The following GRM5 variants were observed in gnomAD, a reference collection of about 807,000 sequenced individuals.
GRM5 encodes metabotropic glutamate receptor 5.
Under a neutral mutation model 83.1 loss-of-function variants are expected in GRM5, and 19 were observed. The ratio of observed to expected loss-of-function variants is 0.23; its 90% CI spans 0.16 to 0.34. GRM5 has a LOEUF of 0.34. Ranked by LOEUF, GRM5 falls within the 10% of genes least tolerant of loss-of-function variation. The pLI, the probability that GRM5 is intolerant of heterozygous loss-of-function variation, is 1.00. For missense variants in GRM5, 1,160 were observed against 1,588.3 expected, an observed-to-expected ratio of 0.73 and a Z score of 4.58; for synonymous variants, 675 against 633.6, an observed-to-expected ratio of 1.07 and a Z score of -0.98.
intron 2 of GRM5, among the ~76,000 whole-genome samples, chr11:88,936,496 TA>T (rs112070445): frequency 0.032 from 4,869 of 151,998 alleles, 263 homozygotes; most frequent in African/African-American, 0.11. Context: ...CTAGTATGTT[TA>T]CTACTATGTC....
chr11:88,976,493 A>G (rs1010383658), intron 2 of GRM5, among the ~76,000 whole-genome samples: 5 of 151,914 alleles, frequency 3.3e-5, no homozygotes, highest in African/African-American at 4.8e-5. Flanking sequence ...TATCTAATAC[A>G]TGGGGTTGTT....
intron 3 of GRM5, among the ~76,000 whole-genome samples, chr11:88,800,952 A>C (rs1354897011): frequency 6.6e-6 from 1 of 152,170 alleles, no homozygotes; most frequent in Non-Finnish European, 1.5e-5. Context: ...AGGGCATACC[A>C]TTCAAACACA....
At chr11:88,850,276 G>T (rs546140441) in intron 2 of GRM5, 121 bp from the exon 3 acceptor site, 8 of 801,826 alleles carry the variant, frequency 1.0e-5, no homozygotes, top group Non-Finnish European at 1.6e-5. Flanking sequence ...GCAACCTGAA[G>T]ACCTGAATTT....
intron 4 of GRM5, among the ~76,000 whole-genome samples, chr11:88,650,271 C>T (rs549996178): frequency 6.6e-6 from 1 of 151,770 alleles, no homozygotes; most frequent in Admixed American, 6.6e-5. Flanking sequence ...AATAAAAAAG[C>T]CAAACTTCTG....
intron 1 of GRM5, among the ~76,000 whole-genome samples, chr11:89,051,105 CTTAAAA>C (rs1001566217): frequency 4.6e-5 from 7 of 151,670 alleles, no homozygotes; most frequent in African/African-American, 1.2e-4. Context: ...ATTTTAAATA[CTTAAAA>C]TTAAAGTTAA....
rs141791605 is a variant in GRM5 at position 88,597,142 on chromosome 11, G to A, written c.1563+42C>T. ...ATAGCCAATGATAGTTAACACTGTTGAATTTACAACAAAAATGAAAGAAAC... is the reference window on the plus strand; with the variant it reads ...ATAGCCAATGATAGTTAACACTGTTAAATTTACAACAAAAATGAAAGAAAC... On this transcript the variant is annotated intron_variant, in intron 6 of 9. Transcript: ENST00000305447. 525 of 1,351,398 alleles carry A rather than the reference G, an allele frequency of 3.9e-4. 2 individuals carry two copies. The East Asian group carries it at 0.011, about 29-fold the overall frequency. The allele number at this position is 1,351,398 out of a possible 1,614,324, so 83.7% of individuals were successfully genotyped here. A position where few individuals can be genotyped will look rare whatever the true frequency, so the allele number is the denominator to read the frequency against.
intron 3 of GRM5, among the ~76,000 whole-genome samples, chr11:88,753,442 A>T (rs1330310040): frequency 2.0e-5 from 3 of 152,048 alleles, no homozygotes; most frequent in Admixed American, 2.0e-4. Flanking sequence ...TAAAAAGTCA[A>T]AAAATAACAG....
chr11:88,885,450 G>GTTTTTTTTTT lies in GRM5; in HGVS notation c.662-35305_662-35296dup, dbSNP rs61456975. On this transcript the variant is annotated intron_variant, in intron 2 of 9. Transcript: ENST00000305447. ...TTCTGAATTCTATAGTAGGTACCAT[G>GTTTTTTTTTT]TTTTTTTTTTTTTTTTTTTTTTTTT... Among the ~76,000 whole-genome samples, 16 of 62,664 alleles carry GTTTTTTTTTT rather than the reference G, an allele frequency of 2.6e-4. 3 individuals carry two copies. In the East Asian group the frequency reaches 2.7e-3, roughly 11 times the overall value. The allele number at this position is 62,664 out of a possible 152,430, so 41.1% of individuals were successfully genotyped here.
chr11:88,513,933 A>AT (rs5793327), intron 9 of GRM5, among the ~76,000 whole-genome samples: 2 of 151,158 alleles, frequency 1.3e-5, no homozygotes, highest in Admixed American at 6.6e-5. Flanking sequence ...TTAGGCTGAG[A>AT]TTTTTTTTTC....
At chr11:88,867,646 A>G (rs659197) in intron 2 of GRM5, among the ~76,000 whole-genome samples, 112,491 of 151,130 alleles carry the variant, frequency 0.74, 42,606 homozygotes, top group East Asian at 0.92. Flanking sequence ...CAAAAAAATC[A>G]TATGGGTGGT....
At chr11:88,781,780 T>G (rs1316335139) in intron 3 of GRM5, among the ~76,000 whole-genome samples, 1 of 152,160 alleles carries the variant, frequency 6.6e-6, no homozygotes, top group African/African-American at 2.4e-5. Flanking sequence ...CATCATGGAT[T>G]AAATCATTTC....
chr11:88,985,003 T>G (rs927048317), intron 2 of GRM5: 1 of 503,098 alleles, frequency 2.0e-6, no homozygotes, highest in African/African-American at 2.0e-5. Flanking sequence ...TCAATTTTAC[T>G]CCATTCCACT....
intron 4 of GRM5, among the ~76,000 whole-genome samples, chr11:88,639,105 G>A (rs1028233612): frequency 2.0e-5 from 3 of 152,034 alleles, no homozygotes; most frequent in Admixed American, 6.5e-5. Context: ...GCTAGAATAT[G>A]TCCTTAAAAT....
At chr11:88,766,768 T>C (rs1195917747) in intron 3 of GRM5, among the ~76,000 whole-genome samples, 1 of 151,934 alleles carries the variant, frequency 6.6e-6, no homozygotes, top group Non-Finnish European at 1.5e-5. Context: ...ACAGACAACC[T>C]ACAGAATGGA....
chr11:88,918,452 A>T (rs1029530318), intron 2 of GRM5, among the ~76,000 whole-genome samples: 19 of 151,242 alleles, frequency 1.3e-4, no homozygotes, highest in East Asian at 5.8e-4. Flanking sequence ...AAATTAATTT[A>T]AAAAAAAACC....
Position 88,919,782 on chromosome 11 carries a change from A to G in GRM5, c.662-69627T>C, listed in dbSNP as rs189287995. On this transcript the variant is annotated intron_variant, in intron 2 of 9. Coordinates refer to ENST00000305447, the MANE Select transcript of GRM5 (RefSeq NM_001143831.3). ...CTATAAAAACACGTGGAAATTAAAC[A>G]AAATGTTCCTGAATGACCAGTGGGC... 4.5e-4 allele frequency among the ~76,000 whole-genome samples: 69 copies of G among 152,182 alleles called. 1 individual carries two copies. The highest frequency in any genetic ancestry group is 1.4e-3 in the African/African-American group (60 of 41,564).
intron 3 of GRM5, among the ~76,000 whole-genome samples, chr11:88,705,731 T>TA (rs1295115404): frequency 9.9e-5 from 15 of 151,982 alleles, no homozygotes; most frequent in African/African-American, 3.1e-4. Context: ...GATTAATCTC[T>TA]AAAAAATCCA....
chr11:88,941,845 T>G (rs1359772026), intron 2 of GRM5, among the ~76,000 whole-genome samples: 1 of 152,034 alleles, frequency 6.6e-6, no homozygotes, highest in Non-Finnish European at 1.5e-5. Flanking sequence ...TATTCTTGCT[T>G]GAAATCTTAG....
intron 2 of GRM5, among the ~76,000 whole-genome samples, chr11:88,867,597 CTG>C (rs1270269903): frequency 6.6e-6 from 1 of 151,604 alleles, no homozygotes; most frequent in Non-Finnish European, 1.5e-5. Context: ...CAGAATGTGA[CTG>C]TGTTTGTATA....
Sources: gnomAD v4.1 joint callset for allele counts (sites outside exome capture counted in the v4.1 genomes callset) on GRCh38, gnomAD v4.1.1 for gene constraint, MANE v1.5 for transcripts, NCBI Gene and HGNC (gene_info 2026-07-23, HGNC 2026-07-21) for gene names.